Variants in MTBP observed in about 807,000 individuals in gnomAD.
MTBP encodes the protein mdm2-binding protein.
MTBP carries 101 observed loss-of-function variants against 117.0 expected under a neutral mutation model. The ratio of observed to expected loss-of-function variants is 0.86; its 90% CI spans 0.73 to 1.02. MTBP has a LOEUF of 1.02. Ranked by LOEUF, MTBP falls within the 50% of genes least tolerant of loss-of-function variation. The pLI, the probability that MTBP is intolerant of heterozygous loss-of-function variation, is 0.00. For synonymous variants in MTBP, 350 were observed against 351.5 expected (o/e 1.00, Z 0.05); for missense variants, 970 against 1,030.9 (o/e 0.94, Z 0.81).
In MTBP at chr8:120,502,599, C is replaced by CA. The variant is rs1563802347; in HGVS notation, c.1723dup (p.Met575AsnfsTer11). The CA allele has an allele frequency of 2.5e-6, 4 of 1,581,768 alleles. No homozygotes were observed. The highest frequency in any genetic ancestry group is 3.4e-6 in the Non-Finnish European group (4 of 1,160,432). The stretch of plus-strand genomic sequence containing the variant: ...TTTGGAAACTTTTGAAAAAACTAAA[C>CA]AAAAAATGAGGTAATATTTGAATCT... On this transcript the variant is annotated frameshift_variant, in exon 15 of 22. Coordinates refer to ENST00000305949, the MANE Select transcript of MTBP (RefSeq NM_022045.5). LOFTEE classifies it high-confidence loss of function.
In MTBP at chr8:120,455,416, T is replaced by C. The variant is rs375729151; in HGVS notation, c.485-19T>C. 1 of 1,536,132 alleles carries C rather than the reference T, an allele frequency of 6.5e-7. No homozygotes were observed. The highest frequency in any genetic ancestry group is 8.8e-7 in the Non-Finnish European group (1 of 1,140,100). On this transcript the variant is annotated intron_variant, in intron 5 of 21. Transcript: ENST00000305949. Reference sequence around the variant, plus strand: ...TCTAACTTTTTAAAAATTACAAAAATGCCTTTTTCTCTTTCTAGGTAGAGC... The same window carrying C: ...TCTAACTTTTTAAAAATTACAAAAACGCCTTTTTCTCTTTCTAGGTAGAGC...
intron 12 of MTBP, 21 bp from the exon 13 acceptor site, chr8:120,490,442 T>C: frequency 1.3e-6 from 2 of 1,499,134 alleles, no homozygotes; most frequent in African/African-American, 2.8e-5. Context: ...ATGTTGACCT[T>C]TTTTTTTTCT....
Position 120,490,539 on chromosome 8 carries a change from T to C in MTBP, c.1416T>C (p.Asn472=). The C allele has an allele frequency of 3.1e-6, 5 of 1,607,272 alleles. No homozygotes were observed. The highest frequency in any genetic ancestry group is 3.4e-6 in the Non-Finnish European group (4 of 1,177,612). The change falls in exon 13 of 22, where the codon AAT becomes AAC. Residue 472 remains asparagine, a synonymous_variant. Coordinates refer to ENST00000305949, the MANE Select transcript of MTBP (RefSeq NM_022045.5). ...QIVQREKQLA[N]VQVLALEECL... ...TACAGAGAGAGAAACAGTTAGCTAA[T>C]GTTCAAGTTTTAGCTTTGGAAGAAT...
intron 14 of MTBP, 25 bp downstream of exon 14, chr8:120,497,579 T>C: frequency 7.9e-7 from 1 of 1,264,624 alleles, no homozygotes; most frequent in African/African-American, 2.0e-5. Context: ...ACTTTAAATT[T>C]TAGTTCGTGT....
chr8:120,495,668 T>TA (rs1299685708), intron 13 of MTBP, among the ~76,000 whole-genome samples: 1 of 152,140 alleles, frequency 6.6e-6, no homozygotes, highest in Non-Finnish European at 1.5e-5. Context: ...TTTGGGGGGA[T>TA]ATCTTCCATT....
In MTBP at chr8:120,459,330, A is replaced by T. The variant is rs757666310; in HGVS notation, c.863A>T (p.Asp288Val). The T allele has an allele frequency of 6.2e-7, 1 of 1,606,582 alleles. No homozygotes were observed. The highest frequency in any genetic ancestry group is 8.5e-7 in the Non-Finnish European group (1 of 1,177,466). ...GCCAAAAAGATCATACCATCAAAGGATAAGAATATTTTGCCAAAGGTAATC... is the reference window on the plus strand; with the variant it reads ...GCCAAAAAGATCATACCATCAAAGGTTAAGAATATTTTGCCAAAGGTAATC... ...FLAKKIIPSK[D>V]KNILPKVFHY... The change falls in exon 8 of 22, where the codon GAT becomes GTT. Residue 288 changes from aspartate (D) to valine (V), a missense_variant. By Grantham distance (152) the Asp-to-Val change is radical (BLOSUM62 -3). Coordinates refer to ENST00000305949, the MANE Select transcript of MTBP (RefSeq NM_022045.5).
intron 12 of MTBP, among the ~76,000 whole-genome samples, chr8:120,489,273 G>A (rs1414253011): frequency 5.3e-5 from 8 of 151,932 alleles, no homozygotes; most frequent in Non-Finnish European, 7.4e-5. Flanking sequence ...TCTTGACCTC[G>A]TGATCTGCCT....
At chr8:120,459,111 T>G in intron 7 of MTBP, 104 bp from the exon 8 acceptor site, 4 of 982,750 alleles carry the variant, frequency 4.1e-6, no homozygotes, top group Non-Finnish European at 5.9e-6. Context: ...AAAAATAAAT[T>G]TATACATGGA....
intron 18 of MTBP, among the ~76,000 whole-genome samples, chr8:120,516,608 G>A (rs1814924858): frequency 6.6e-6 from 1 of 151,870 alleles, no homozygotes; most frequent in African/African-American, 2.4e-5. Flanking sequence ...TAAAACACCT[G>A]TTACATATAA....
chr8:120,449,560 C>A (rs1340332603), intron 2 of MTBP, among the ~76,000 whole-genome samples: 1 of 151,968 alleles, frequency 6.6e-6, no homozygotes, highest in Non-Finnish European at 1.5e-5. Context: ...CCAATTAATA[C>A]AAATTATAGA....
At chr8:120,470,306 TCTC>T (rs929596857) in intron 10 of MTBP, among the ~76,000 whole-genome samples, 3 of 152,204 alleles carry the variant, frequency 2.0e-5, no homozygotes, top group Non-Finnish European at 4.4e-5. Context: ...TTCATTGTCT[TCTC>T]CTCAGTTTTT....
In MTBP at chr8:120,502,774, A is replaced by G. The variant is rs138721988; in HGVS notation, c.1727+165A>G. ...AGTTAATCACTAGAGTAGTATATCA[A>G]TTAAAAGGGAAGGGCTCATCTTGCT... On this transcript the variant is annotated intron_variant, in intron 15 of 21. Transcript: ENST00000305949. 9.4e-4 allele frequency among the ~76,000 whole-genome samples: 143 copies of G among 152,340 alleles called. 1 individual carries two copies. The highest frequency in any genetic ancestry group is 3.4e-3 in the Middle Eastern group (1 of 294).
chr8:120,468,818 A>G (rs1217429353), intron 10 of MTBP, among the ~76,000 whole-genome samples: 5 of 152,096 alleles, frequency 3.3e-5, no homozygotes, highest in Admixed American at 2.0e-4. Flanking sequence ...AACAGTGACC[A>G]TGACCTTTTT....
intron 17 of MTBP, among the ~76,000 whole-genome samples, chr8:120,513,717 C>T (rs1224349129): frequency 6.6e-6 from 1 of 151,914 alleles, no homozygotes; most frequent in Non-Finnish European, 1.5e-5. Flanking sequence ...TGCATCTTTT[C>T]TCTCAAAAAT....
intron 11 of MTBP, among the ~76,000 whole-genome samples, chr8:120,481,327 C>T (rs1036582773): frequency 6.6e-6 from 1 of 152,130 alleles, no homozygotes; most frequent in Non-Finnish European, 1.5e-5. Context: ...TAGATATTTA[C>T]CCAGGAGAAA....
At position 120,523,576 on chromosome 8, in the gene MTBP, A is replaced by T. The variant is rs946206300; in HGVS notation, c.*240A>T. On this transcript the variant is annotated 3_prime_UTR_variant, in exon 22 of 22. Coordinates refer to ENST00000305949, the MANE Select transcript of MTBP (RefSeq NM_022045.5). Reference sequence around the variant, plus strand: ...GTTACTATATTTTAAAGTTATTTTTATATGTTTTAAAATGTTTACTCTTAT... The same window carrying T: ...GTTACTATATTTTAAAGTTATTTTTTTATGTTTTAAAATGTTTACTCTTAT... The T allele has an allele frequency of 9.7e-5, 22 of 226,896 alleles. No homozygotes were observed. Among genetic ancestry groups the T allele is most frequent in the Non-Finnish European group, 1.4e-4 (17 of 117,568 alleles). The allele number at this position is 226,896 out of a possible 1,614,324, so 14.1% of individuals were successfully genotyped here.
chr8:120,445,607 AAG>A lies in MTBP; in HGVS notation c.118+22_118+23del. 6.3e-7 allele frequency: 1 copy of A among 1,583,872 alleles called. No homozygotes were observed. The highest frequency in any genetic ancestry group is 8.6e-7 in the Non-Finnish European group (1 of 1,162,658). On this transcript the variant is annotated intron_variant, in intron 1 of 21. Transcript: ENST00000305949. ...CAGCCGGGTAAGCGCTGGGATGAGA[AAG>A]AGCGGGAACGGCTTGTGGAGAGGGG...
intron 13 of MTBP, among the ~76,000 whole-genome samples, chr8:120,491,033 T>G (rs1246553889): frequency 6.6e-6 from 1 of 152,172 alleles, no homozygotes; most frequent in African/African-American, 2.4e-5. Flanking sequence ...GAACATTTCA[T>G]GTACTAAGTG....
chr8:120,490,491 A>C lies in MTBP; in HGVS notation c.1368A>C (p.Pro456=), dbSNP rs1475228809. ...TTCCTTTTGACTTATTATCACTTCC[A>C]CATTTTTCTGGGGAGCAGATTGTAC... ...LSFPFDLLSL[P]HFSGEQIVQR... is the part of the protein sequence containing the mutation. Residue 456 remains proline (P), a synonymous_variant, in exon 13 of 22, where the codon CCA becomes CCC. Transcript: ENST00000305949. The C allele has an allele frequency of 6.2e-7, 1 of 1,605,624 alleles. No homozygotes were observed.
Sources: gnomAD v4.1 joint callset for allele counts (sites outside exome capture counted in the v4.1 genomes callset) on GRCh38, gnomAD v4.1.1 for gene constraint, MANE v1.5 for transcripts, NCBI Gene and HGNC (gene_info 2026-07-23, HGNC 2026-07-21) for gene names.